Variants in PHF2 observed in about 807,000 individuals in gnomAD.
PHF2 encodes lysine-specific demethylase PHF2.
Under a neutral mutation model 120.5 loss-of-function variants are expected in PHF2, and 27 were observed. The observed-to-expected ratio is 0.22, with a 90% CI of 0.17 to 0.31. PHF2 has a LOEUF of 0.31. Ranked by LOEUF, PHF2 falls within the 10% of genes least tolerant of loss-of-function variation. The pLI, the probability that PHF2 is intolerant of heterozygous loss-of-function variation, is 1.00. For missense variants in PHF2, 1,024 were observed against 1,434.8 expected (o/e 0.71, Z 4.63); for synonymous variants, 568 against 592.5 (o/e 0.96, Z 0.60).
intron 1 of PHF2, among the ~76,000 whole-genome samples, chr9:93,602,247 C>CTTTTTTTTTTTTTT (rs67001312): frequency 3.8e-5 from 3 of 79,670 alleles, no homozygotes; most frequent in East Asian, 4.0e-4. Flanking sequence ...CCTAGAGATT[C>CTTTTTTTTTTTTTT]TTTTTTTTTT....
At position 93,598,234 on chromosome 9, in the gene PHF2, G is replaced by A. The variant is rs554527729; in HGVS notation, c.98+21363G>A. ...GAAAAGCCCAACTCACGCCAGGCATGCAGCACACTGTGGACGGGTTATTTT... is the reference window on the plus strand; with the variant it reads ...GAAAAGCCCAACTCACGCCAGGCATACAGCACACTGTGGACGGGTTATTTT... On this transcript the variant is annotated intron_variant, in intron 1 of 21. Coordinates refer to ENST00000359246, the MANE Select transcript of PHF2 (RefSeq NM_005392.4). Among the ~76,000 whole-genome samples the A allele has an allele frequency of 4.6e-5, 7 of 152,344 alleles. No individual in the cohort carries two copies. The South Asian group carries it at 1.4e-3, about 32-fold the overall frequency.
chr9:93,677,787 T>C lies in PHF2; in HGVS notation c.*111T>C, dbSNP rs1264604031. 2.7e-6 allele frequency: 2 copies of C among 735,508 alleles called. No individual in the cohort carries two copies. The highest frequency in any genetic ancestry group is 3.5e-5 in the African/African-American group (2 of 56,512). 45.6% of individuals were successfully genotyped at this position (735,508 alleles called of 1,614,324 possible). A position where few individuals can be genotyped will look rare whatever the true frequency, so the allele number is the denominator to read the frequency against. On this transcript the variant is annotated 3_prime_UTR_variant, in exon 22 of 22. Transcript: ENST00000359246. The surrounding 1 kb of genome is among the most constrained non-coding windows in gnomAD (Gnocchi z 4.4). The stretch of plus-strand genomic sequence containing the variant: ...GCCTCACCAGGGAGGGCCTTGCCTC[T>C]TCCCGGCTGCCATCTCCCCAACAAG...
intron 1 of PHF2, among the ~76,000 whole-genome samples, chr9:93,607,112 T>C (rs1161275566): frequency 1.3e-5 from 2 of 152,240 alleles, no homozygotes; most frequent in South Asian, 2.1e-4. Context: ...TGTAGCTTCA[T>C]AGGAGGCCTC....
At chr9:93,668,275 T>C (rs1282632877) in intron 17 of PHF2, among the ~76,000 whole-genome samples, 1 of 152,222 alleles carries the variant, frequency 6.6e-6, no homozygotes, top group Non-Finnish European at 1.5e-5. Flanking sequence ...TTCCTGTCCA[T>C]GTTAAGCCCC....
intron 1 of PHF2, among the ~76,000 whole-genome samples, chr9:93,598,133 G>A (rs922265886): frequency 2.0e-5 from 3 of 152,204 alleles, no homozygotes; most frequent in Admixed American, 6.5e-5. Flanking sequence ...GGCCCCTTGC[G>A]GGGAGGCCTG....
chr9:93,612,723 T>C (rs1825657425), intron 1 of PHF2, among the ~76,000 whole-genome samples: 2 of 152,254 alleles, frequency 1.3e-5, no homozygotes, highest in Non-Finnish European at 1.5e-5. Flanking sequence ...TTTTTCAGAA[T>C]AATAGGAATC....
In PHF2 at chr9:93,677,765, T is replaced by C; in HGVS notation, c.*89T>C. The C allele has an allele frequency of 1.0e-6, 1 of 958,672 alleles. No individual in the cohort carries two copies. Among genetic ancestry groups the C allele is most frequent in the Non-Finnish European group, 1.6e-6 (1 of 612,670 alleles). 59.4% of individuals were successfully genotyped at this position (958,672 alleles called of 1,614,324 possible). On this transcript the variant is annotated 3_prime_UTR_variant, in exon 22 of 22. Coordinates refer to ENST00000359246, the MANE Select transcript of PHF2 (RefSeq NM_005392.4). The surrounding 1 kb of genome is among the most constrained non-coding windows in gnomAD (Gnocchi z 4.4). ...CCTCCCAGGAGGGTGCCGAGCTGCC[T>C]CACCAGGGAGGGCCTTGCCTCTTCC...
intron 1 of PHF2, among the ~76,000 whole-genome samples, chr9:93,577,284 G>A (rs1862841948): frequency 6.6e-6 from 1 of 151,606 alleles, no homozygotes; most frequent in Admixed American, 6.6e-5. Context: ...GAAGTTGCAG[G>A]AACTTTCCCC....
chr9:93,624,924 ATGT>A (rs1309149476), intron 1 of PHF2, among the ~76,000 whole-genome samples: 1 of 152,170 alleles, frequency 6.6e-6, no homozygotes, highest in East Asian at 1.9e-4. Flanking sequence ...GATGGAGATG[ATGT>A]TGTCACTCTC....
At chr9:93,664,712 G>A (rs556608645) in intron 14 of PHF2, among the ~76,000 whole-genome samples, 1 of 152,220 alleles carries the variant, frequency 6.6e-6, no homozygotes. Context: ...CGTGTCACTT[G>A]CTTTATCTGA....
Position 93,596,993 on chromosome 9 carries a change from C to T in PHF2, c.98+20122C>T, listed in dbSNP as rs189657185. Among the ~76,000 whole-genome samples, 16 of 142,638 alleles carry T rather than the reference C, an allele frequency of 1.1e-4. No individual in the cohort carries two copies. The East Asian group carries it at 3.1e-3, about 28-fold the overall frequency. The allele number at this position is 142,638 out of a possible 152,430, so 93.6% of individuals were successfully genotyped here. A position where few individuals can be genotyped will look rare whatever the true frequency, so the allele number is the denominator to read the frequency against. The stretch of plus-strand genomic sequence containing the variant: ...TCTCCCAGGCCGGAGTGCAGTGGCA[C>T]GATCTCGGCTCACTGCCAGCTCTGC... On this transcript the variant is annotated intron_variant, in intron 1 of 21. Coordinates refer to ENST00000359246, the MANE Select transcript of PHF2 (RefSeq NM_005392.4).
intron 10 of PHF2, among the ~76,000 whole-genome samples, chr9:93,658,823 G>A (rs1407709476): frequency 1.3e-5 from 2 of 152,146 alleles, no homozygotes; most frequent in African/African-American, 4.8e-5. Context: ...GACTCTTACC[G>A]ATGACCATCC....
intron 5 of PHF2, among the ~76,000 whole-genome samples, chr9:93,650,399 C>T (rs1316809654): frequency 6.6e-6 from 1 of 152,210 alleles, no homozygotes; most frequent in Non-Finnish European, 1.5e-5. Context: ...ATCCCTGGCA[C>T]AGTTACTAAC....
intron 10 of PHF2, among the ~76,000 whole-genome samples, chr9:93,658,849 A>G (rs1320063900): frequency 6.6e-6 from 1 of 152,166 alleles, no homozygotes; most frequent in Non-Finnish European, 1.5e-5. Flanking sequence ...GCGCCCCCAC[A>G]GAAGCCACTT....
At chr9:93,578,735 GCTGAGAGCTGGC>G (rs1186936710) in intron 1 of PHF2, among the ~76,000 whole-genome samples, 2 of 152,224 alleles carry the variant, frequency 1.3e-5, no homozygotes, top group African/African-American at 4.8e-5. Flanking sequence ...GGCGACAGGG[GCTGAGAGCTGGC>G]CTGAGAGCTG....
At position 93,649,056 on chromosome 9, in the gene PHF2, C is replaced by T. The variant is rs1244362779; in HGVS notation, c.461-15C>T. ...CCTTCCCAGGGTGCTCAAGCTCCTC[C>T]CACCACCTCCCTAGGGCCGGAACGG... On this transcript the variant is annotated splice_polypyrimidine_tract_variant and intron_variant, in intron 4 of 21. Transcript: ENST00000359246. 17 of 1,550,538 alleles carry T rather than the reference C, an allele frequency of 1.1e-5. No homozygotes were observed. The highest frequency in any genetic ancestry group is 1.4e-5 in the African/African-American group (1 of 72,914).
At position 93,576,826 on chromosome 9, in the gene PHF2, G is replaced by A; in HGVS notation, c.53G>A (p.Arg18His). The change falls in exon 1 of 22, where the codon CGC becomes CAC. Residue 18 changes from arginine to histidine, a missense_variant. By Grantham distance (29) the Arg-to-His change is conservative (BLOSUM62 0). Transcript: ENST00000359246. ...TGCCGGCTCCCCTACGACGTTACCC[G>A]CTTCATGATCGAGTGCGACGCCTGC... ...CVCRLPYDVT[R>H]FMIECDACKD... 1.6e-6 allele frequency: 2 copies of A among 1,288,288 alleles called. No individual in the cohort carries two copies. The highest frequency in any genetic ancestry group is 2.0e-6 in the Non-Finnish European group (2 of 982,620). The allele number at this position is 1,288,288 out of a possible 1,614,324, so 79.8% of individuals were successfully genotyped here.
chr9:93,665,560 G>T, intron 14 of PHF2, 126 bp from the exon 15 acceptor site: 1 of 979,368 alleles, frequency 1.0e-6, no homozygotes, highest in Non-Finnish European at 1.5e-6. Flanking sequence ...TCAAATAGTG[G>T]CAACGTCACC....
rs1193810945 is a variant in PHF2, at chr9:93,576,639, C to T, written c.-135C>T. On this transcript the variant is annotated 5_prime_UTR_variant, in exon 1 of 22. Transcript: ENST00000359246. ...CGCGGGGGCTGTCGTGCGCCCCCGT[C>T]CCCGTCCCCTCCCGGCCGCGGCGCC... is the stretch of plus-strand genomic sequence containing the variant. 1.3e-5 allele frequency: 2 copies of T among 149,918 alleles called. No individual in the cohort carries two copies. The highest frequency in any genetic ancestry group is 4.9e-5 in the African/African-American group (2 of 40,460). The allele number at this position is 149,918 out of a possible 1,614,324, so 9.3% of individuals were successfully genotyped here. A position where few individuals can be genotyped will look rare whatever the true frequency, so the allele number is the denominator to read the frequency against.
Sources: gnomAD v4.1 joint callset for allele counts (sites outside exome capture counted in the v4.1 genomes callset) on GRCh38, gnomAD v4.1.1 for gene constraint, Gnocchi (gnomAD v3.1) non-coding constraint, MANE v1.5 for transcripts, NCBI Gene and HGNC (gene_info 2026-07-23, HGNC 2026-07-21) for gene names.